Variants in VPS13B observed in about 807,000 individuals in gnomAD.
VPS13B encodes vacuolar protein sorting 13 homolog B.
In VPS13B, 285 loss-of-function variants were observed where a neutral mutation model predicts 426.4. That is an observed-to-expected ratio of 0.67 (90% CI 0.61 to 0.74). The LOEUF (loss-of-function observed/expected upper bound fraction) is 0.74, where lower values mean the gene tolerates loss of function less well. Ranked by LOEUF, VPS13B falls within the 30% of genes least tolerant of loss-of-function variation. The pLI, the probability that VPS13B is intolerant of heterozygous loss-of-function variation, is 0.00. For synonymous variants in VPS13B, 1,676 were observed against 1,676.4 expected, an observed-to-expected ratio of 1.00 and a Z score of 0.01; for missense variants, 4,537 against 4,782.6, an observed-to-expected ratio of 0.95 and a Z score of 1.51.
intron 12 of VPS13B, 101 bp from the exon 13 acceptor site, chr8:99,142,873 G>A (rs1810507471): frequency 5.7e-6 from 7 of 1,237,140 alleles, no homozygotes; most frequent in Non-Finnish European, 6.7e-6. Context: ...TTGTTTTAAG[G>A]CATTAAGCTA....
At chr8:99,661,541 A>T in intron 35 of VPS13B, 50 bp downstream of exon 35, 1 of 1,591,784 alleles carries the variant, frequency 6.3e-7, no homozygotes, top group Non-Finnish European at 8.6e-7. Flanking sequence ...ATGTGAATAT[A>T]TTAGCATGTA....
chr8:99,347,355 G>C (rs1419485809), intron 19 of VPS13B: 2 of 159,184 alleles, frequency 1.3e-5, no homozygotes, highest in African/African-American at 2.4e-5. Context: ...AGCTTGTTGA[G>C]GTTAATTTTT....
At chr8:99,827,155 C>T (rs1244226810) in intron 51 of VPS13B, among the ~76,000 whole-genome samples, 1 of 152,128 alleles carries the variant, frequency 6.6e-6, no homozygotes, top group Non-Finnish European at 1.5e-5. Flanking sequence ...ATACCACCTC[C>T]TCTTTGTACC....
intron 7 of VPS13B, among the ~76,000 whole-genome samples, chr8:99,118,892 T>G (rs1383086187): frequency 6.6e-6 from 1 of 152,250 alleles, no homozygotes; most frequent in Non-Finnish European, 1.5e-5. Flanking sequence ...TGTGCTATTC[T>G]TTCTCTTGGG....
At chr8:99,076,503 C>G (rs1845130383) in intron 3 of VPS13B, among the ~76,000 whole-genome samples, 1 of 151,894 alleles carries the variant, frequency 6.6e-6, no homozygotes, top group South Asian at 2.1e-4. Flanking sequence ...CCCTTTAGAT[C>G]TAATAATATC....
At chr8:99,518,224 A>G (rs1822190326) in intron 29 of VPS13B, among the ~76,000 whole-genome samples, 1 of 152,176 alleles carries the variant, frequency 6.6e-6, no homozygotes, top group Admixed American at 6.5e-5. Flanking sequence ...GTAGCCTGGA[A>G]GAACAGTTAG....
intron 34 of VPS13B, among the ~76,000 whole-genome samples, chr8:99,649,414 C>T (rs1369512936): frequency 2.0e-5 from 3 of 150,784 alleles, no homozygotes; most frequent in Non-Finnish European, 4.4e-5. Flanking sequence ...TTTTTTTTTC[C>T]CCACTCTTCA....
Position 99,115,748 on chromosome 8 carries a change from C to T in VPS13B, c.811C>T (p.Leu271=). The change falls in exon 7 of 62, where the codon CTG becomes TTG. Residue 271 remains leucine (L), a synonymous_variant. Coordinates refer to ENST00000357162, the MANE Select transcript of VPS13B (RefSeq NM_152564.5). ...SLKLSITDQQ[L]PMFIRIMQLG... ...GAAACTTTCTATCACAGATCAACAA[C>T]TGCCTATGTTTATTCGTATAATGCA... The T allele has an allele frequency of 3.1e-6, 5 of 1,613,242 alleles. No homozygotes were observed. Among genetic ancestry groups the T allele is most frequent in the Non-Finnish European group, 3.4e-6 (4 of 1,179,682 alleles).
chr8:99,458,519 G>A (rs1250222369), intron 23 of VPS13B, among the ~76,000 whole-genome samples: 1 of 152,058 alleles, frequency 6.6e-6, no homozygotes, highest in Non-Finnish European at 1.5e-5. Context: ...GGTTGAACTA[G>A]TTTACAGTCC....
chr8:99,689,516 A>G (rs1474334666), intron 35 of VPS13B, among the ~76,000 whole-genome samples: 1 of 152,126 alleles, frequency 6.6e-6, no homozygotes, highest in Admixed American at 6.6e-5. Flanking sequence ...CCAAAGTCTG[A>G]GTCTCAAAAA....
intron 33 of VPS13B, among the ~76,000 whole-genome samples, chr8:99,588,829 G>A (rs986782439): frequency 6.6e-6 from 1 of 151,650 alleles, no homozygotes; most frequent in African/African-American, 2.4e-5. Flanking sequence ...TGATTGCCTT[G>A]GCCAGAACTT....
chr8:99,813,141 ACTC>A (rs1218631932), intron 44 of VPS13B, among the ~76,000 whole-genome samples: 2 of 152,052 alleles, frequency 1.3e-5, no homozygotes, highest in African/African-American at 2.4e-5. Flanking sequence ...CAAGCACACT[ACTC>A]CACTGAGTGA....
chr8:99,848,973 C>A, intron 55 of VPS13B, 79 bp downstream of exon 55: 2 of 1,272,778 alleles, frequency 1.6e-6, no homozygotes, highest in South Asian at 1.2e-5. Context: ...TTATCTTTGT[C>A]ATCTCCACAT....
At chr8:99,493,398 G>C (rs1820719441) in intron 25 of VPS13B, among the ~76,000 whole-genome samples, 1 of 152,052 alleles carries the variant, frequency 6.6e-6, no homozygotes, top group Admixed American at 6.5e-5. Flanking sequence ...TGTTAAAAAA[G>C]TAATCTTAAT....
chr8:99,254,453 T>G (rs1194692321), intron 17 of VPS13B, among the ~76,000 whole-genome samples: 2 of 151,912 alleles, frequency 1.3e-5, no homozygotes, highest in Non-Finnish European at 2.9e-5. Context: ...TTTCTCTTAC[T>G]CCATTCAGTA....
chr8:99,358,034 A>ACC (rs1247321883), intron 19 of VPS13B, among the ~76,000 whole-genome samples: 1 of 148,314 alleles, frequency 6.7e-6, no homozygotes, highest in African/African-American at 2.5e-5. Context: ...ACACACACAC[A>ACC]CCACACACAC....
chr8:99,825,756 A>G (rs1404969835), intron 51 of VPS13B, among the ~76,000 whole-genome samples: 2 of 152,194 alleles, frequency 1.3e-5, no homozygotes, highest in Non-Finnish European at 2.9e-5. Context: ...ATAAGGTGTA[A>G]GGAAGGGATC....
intron 35 of VPS13B, among the ~76,000 whole-genome samples, chr8:99,665,038 C>T (rs370389049): frequency 3.2e-4 from 48 of 152,146 alleles, no homozygotes; most frequent in Middle Eastern, 3.4e-3. Context: ...TATCTCATTG[C>T]GGTTTTGATT....
At chr8:99,568,794 C>T (rs1825318888) in intron 31 of VPS13B, among the ~76,000 whole-genome samples, 2 of 150,792 alleles carry the variant, frequency 1.3e-5, no homozygotes, top group Admixed American at 1.3e-4. Context: ...AGGTGATAAC[C>T]ACAAGTTTTT....
Sources: gnomAD v4.1 joint callset for allele counts (sites outside exome capture counted in the v4.1 genomes callset) on GRCh38, gnomAD v4.1.1 for gene constraint, MANE v1.5 for transcripts, NCBI Gene and HGNC (gene_info 2026-07-23, HGNC 2026-07-21) for gene names.